NIBAN1: variants seen among roughly 807,000 people sequenced by gnomAD.
NIBAN1 encodes the protein niban apoptosis regulator 1.
NIBAN1 carries 81 observed loss-of-function variants against 75.1 expected under a neutral mutation model. The ratio of observed to expected loss-of-function variants is 1.08; its 90% confidence interval spans 0.90 to 1.30. NIBAN1 has a LOEUF of 1.30. NIBAN1 is among the 50% of genes most tolerant of loss of function. The probability of loss-of-function intolerance (pLI) is 0.00; values close to 1 mark genes in which losing one functional copy is unlikely to be tolerated. For synonymous variants in NIBAN1, 436 were observed against 424.8 expected (o/e 1.03, Z -0.32); for missense variants, 1,133 against 1,128.1 (o/e 1.00, Z -0.06).
rs1653748344 is a variant in NIBAN1 at position 184,793,408 on chromosome 1, T to C, written c.*1569A>G. ...CCATCTCTACCAAAAATACAAAAATTAGCCGGGAATGGTGCCGCATGGCTG... is the reference window on the plus strand; with the variant it reads ...CCATCTCTACCAAAAATACAAAAATCAGCCGGGAATGGTGCCGCATGGCTG... On this transcript the variant is annotated 3_prime_UTR_variant, in exon 14 of 14. Coordinates refer to ENST00000367511, the MANE Select transcript of NIBAN1 (RefSeq NM_052966.4). The C allele has an allele frequency of 6.6e-6, 1 of 152,026 alleles. No individual in the cohort carries two copies. Among genetic ancestry groups the C allele is most frequent in the Non-Finnish European group, 1.5e-5 (1 of 68,028 alleles). The allele number at this position is 152,026 out of a possible 1,614,324, so 9.4% of individuals were successfully genotyped here.
intron 6 of NIBAN1, among the ~76,000 whole-genome samples, chr1:184,824,095 A>G (rs1431361065): frequency 1.3e-5 from 2 of 152,202 alleles, no homozygotes; most frequent in African/African-American, 4.8e-5. Context: ...GGACATCTTC[A>G]GCAAAATTGT....
At chr1:184,802,468 G>A (rs553443871) in intron 12 of NIBAN1, among the ~76,000 whole-genome samples, 3 of 152,236 alleles carry the variant, frequency 2.0e-5, no homozygotes, top group Admixed American at 2.0e-4. Flanking sequence ...TTTGGCTGCT[G>A]AACTGTTCTG....
At chr1:184,828,325 C>T (rs531051833) in intron 6 of NIBAN1, among the ~76,000 whole-genome samples, 2 of 152,256 alleles carry the variant, frequency 1.3e-5, no homozygotes, top group East Asian at 3.9e-4. Context: ...TGAATGCAGG[C>T]CCCTAGGGTA....
intron 1 of NIBAN1, among the ~76,000 whole-genome samples, chr1:184,924,381 C>T (rs989638989): frequency 3.9e-5 from 6 of 152,094 alleles, no homozygotes; most frequent in Non-Finnish European, 5.9e-5. Context: ...TCCTTGCATC[C>T]CTGGGATAAA....
intron 8 of NIBAN1, among the ~76,000 whole-genome samples, chr1:184,821,845 G>A (rs183903675): frequency 2.0e-4 from 31 of 152,238 alleles, no homozygotes; most frequent in African/African-American, 6.7e-4. Flanking sequence ...CTTTGGAAAG[G>A]ATGGCGTAAA....
Position 184,890,228 on chromosome 1 carries a change from G to T in NIBAN1, c.319-6C>A. 6.2e-7 allele frequency: 1 copy of T among 1,601,998 alleles called. No homozygotes were observed. Among genetic ancestry groups the T allele is most frequent in the Non-Finnish European group, 8.6e-7 (1 of 1,169,038 alleles). On this transcript the variant is annotated splice_region_variant and splice_polypyrimidine_tract_variant and intron_variant, in intron 3 of 13. Coordinates refer to ENST00000367511, the MANE Select transcript of NIBAN1 (RefSeq NM_052966.4). ...GCAGCTCCTCTCTGATAGGCCTGGG[G>T]AGGGAAAGGCACACAGGAATGATAT... is the stretch of plus-strand genomic sequence containing the variant.
intron 2 of NIBAN1, among the ~76,000 whole-genome samples, chr1:184,897,016 G>T (rs1165552182): frequency 4.6e-5 from 7 of 152,044 alleles, no homozygotes. Context: ...GCGTGCTTTG[G>T]CTATTCAGGC....
intron 5 of NIBAN1, among the ~76,000 whole-genome samples, chr1:184,832,398 A>G (rs1477198133): frequency 6.6e-6 from 1 of 152,226 alleles, no homozygotes; most frequent in African/African-American, 2.4e-5. Flanking sequence ...TCAGCTTTCA[A>G]TACAATATGC....
At chr1:184,866,609 TA>T (rs1016183495) in intron 5 of NIBAN1, among the ~76,000 whole-genome samples, 5 of 152,210 alleles carry the variant, frequency 3.3e-5, no homozygotes, top group Admixed American at 2.6e-4. Flanking sequence ...CAGAGACATC[TA>T]AATTAGATCA....
intron 11 of NIBAN1, among the ~76,000 whole-genome samples, chr1:184,804,350 G>T (rs1232646724): frequency 6.6e-6 from 1 of 152,240 alleles, no homozygotes; most frequent in Non-Finnish European, 1.5e-5. Flanking sequence ...GAGATAATAA[G>T]TTAGGGCAAG....
chr1:184,909,455 A>C (rs1368962903), intron 1 of NIBAN1, among the ~76,000 whole-genome samples: 1 of 152,190 alleles, frequency 6.6e-6, no homozygotes, highest in Non-Finnish European at 1.5e-5. Flanking sequence ...TTTGGGGCCC[A>C]GATATGCTTG....
chr1:184,832,255 C>T (rs561442419), intron 5 of NIBAN1, among the ~76,000 whole-genome samples: 57 of 152,258 alleles, frequency 3.7e-4, no homozygotes, highest in Admixed American at 1.7e-3. Flanking sequence ...CCCTATCCAC[C>T]CACAGGCACC....
intron 1 of NIBAN1, among the ~76,000 whole-genome samples, chr1:184,964,246 G>A (rs567753447): frequency 1.3e-5 from 2 of 152,290 alleles, no homozygotes; most frequent in East Asian, 1.9e-4. Context: ...GTTTTTCACA[G>A]AGCTCCCTTC....
At chr1:184,842,178 G>T (rs149838687) in intron 5 of NIBAN1, among the ~76,000 whole-genome samples, 1 of 152,124 alleles carries the variant, frequency 6.6e-6, no homozygotes, top group African/African-American at 2.4e-5. Flanking sequence ...TTGTCTTAAC[G>T]ATTGCCTTCC....
chr1:184,822,320 C>T (rs1018592192), intron 8 of NIBAN1, among the ~76,000 whole-genome samples: 4 of 152,154 alleles, frequency 2.6e-5, no homozygotes, highest in African/African-American at 9.7e-5. Context: ...TCTAAGGTCT[C>T]TTGTATGGGA....
At chr1:184,884,953 GCT>G (rs918385392) in intron 4 of NIBAN1, among the ~76,000 whole-genome samples, 153 bp from the exon 5 acceptor site, 10 of 152,316 alleles carry the variant, frequency 6.6e-5, no homozygotes, top group Admixed American at 5.9e-4. Flanking sequence ...GGGAGCACTG[GCT>G]CCTCTGGCAT....
intron 1 of NIBAN1, among the ~76,000 whole-genome samples, chr1:184,971,787 A>T (rs1658943826): frequency 6.6e-6 from 1 of 152,214 alleles, no homozygotes; most frequent in Non-Finnish European, 1.5e-5. Flanking sequence ...CATCTTATCA[A>T]GGGACACTAC....
In NIBAN1 at chr1:184,860,410, A is replaced by G. The variant is rs1338115600; in HGVS notation, c.601+24223T>C. 2.0e-5 allele frequency among the ~76,000 whole-genome samples: 3 copies of G among 152,310 alleles called. No individual in the cohort carries two copies. In the East Asian group the frequency reaches 5.8e-4, roughly 29 times the overall value. On this transcript the variant is annotated intron_variant, in intron 5 of 13. Coordinates refer to ENST00000367511, the MANE Select transcript of NIBAN1 (RefSeq NM_052966.4). ...AAAAATTGTATAATTGTGACTTAGA[A>G]GTCATTGCTTTTATTTATCCTCAGA...
At chr1:184,873,759 C>G (rs1351819643) in intron 5 of NIBAN1, among the ~76,000 whole-genome samples, 1 of 152,142 alleles carries the variant, frequency 6.6e-6, no homozygotes, top group African/African-American at 2.4e-5. Context: ...TTCTGTGAAA[C>G]CCCTTTTGCC....
Sources: gnomAD v4.1 joint callset for allele counts (sites outside exome capture counted in the v4.1 genomes callset) on GRCh38, gnomAD v4.1.1 for gene constraint, MANE v1.5 for transcripts, NCBI Gene and HGNC (gene_info 2026-07-23, HGNC 2026-07-21) for gene names.